Variants in NDFIP2 observed in about 807,000 individuals in gnomAD.
NDFIP2 encodes NEDD4 family-interacting protein 2.
In NDFIP2, 19 loss-of-function variants were observed where a neutral mutation model predicts 36.0. That is an observed-to-expected ratio of 0.53 (90% CI 0.37 to 0.77). NDFIP2 has a LOEUF of 0.77. NDFIP2 is among the 30% of genes least tolerant of loss of function. The probability of loss-of-function intolerance (pLI) is 0.00; values close to 1 mark genes in which losing one functional copy is unlikely to be tolerated. For missense variants in NDFIP2, 446 were observed against 435.8 expected (o/e 1.02, Z -0.21); for synonymous variants, 181 against 167.7 (o/e 1.08, Z -0.61).
At chr13:79,522,176 A>G in intron 2 of NDFIP2, among the ~76,000 whole-genome samples, 1 of 152,040 alleles carries the variant, frequency 6.6e-6, no homozygotes, top group Non-Finnish European at 1.5e-5. Context: ...ATGCTTGCTC[A>G]TTGCCCAGTT....
At chr13:79,552,433 T>C (rs1469080317) in intron 7 of NDFIP2, 83 bp from the exon 8 acceptor site, 5 of 151,844 alleles carry the variant, frequency 3.3e-5, no homozygotes, top group African/African-American at 1.2e-4. Context: ...ATATAATTCT[T>C]CTATAAAATG....
At chr13:79,516,005 C>G (rs1466091102) in intron 1 of NDFIP2, among the ~76,000 whole-genome samples, 1 of 151,340 alleles carries the variant, frequency 6.6e-6, no homozygotes, top group Admixed American at 6.6e-5. Context: ...TAATATTCCA[C>G]TGAGGACAAG....
At chr13:79,526,713 A>C (rs1327393024) in intron 2 of NDFIP2, among the ~76,000 whole-genome samples, 2 of 152,226 alleles carry the variant, frequency 1.3e-5, no homozygotes, top group African/African-American at 4.8e-5. Context: ...TCTAGAAGCC[A>C]AGAGAGGAGA....
chr13:79,495,244 ATAT>A (rs1472012324), intron 1 of NDFIP2, among the ~76,000 whole-genome samples: 1 of 151,824 alleles, frequency 6.6e-6, no homozygotes, highest in Non-Finnish European at 1.5e-5. Flanking sequence ...CAGGTTCATA[ATAT>A]TGTTCTGATC....
chr13:79,550,546 A>G (rs1210522583), intron 6 of NDFIP2, among the ~76,000 whole-genome samples: 1 of 151,616 alleles, frequency 6.6e-6, no homozygotes, highest in East Asian at 1.9e-4. Context: ...TGATATTACT[A>G]TACAGGCTTA....
chr13:79,505,664 A>G (rs1317507941), intron 1 of NDFIP2, among the ~76,000 whole-genome samples: 2 of 151,732 alleles, frequency 1.3e-5, no homozygotes, highest in African/African-American at 4.8e-5. Context: ...AAAAGCTCCC[A>G]AAGAATAGGT....
At chr13:79,496,085 GA>G (rs1194266454) in intron 1 of NDFIP2, among the ~76,000 whole-genome samples, 2 of 151,740 alleles carry the variant, frequency 1.3e-5, no homozygotes, top group African/African-American at 4.8e-5. Flanking sequence ...AAACATAAGA[GA>G]AAAAATTAAT....
intron 1 of NDFIP2, among the ~76,000 whole-genome samples, chr13:79,492,695 G>A (rs1873280865): frequency 6.6e-6 from 1 of 151,988 alleles, no homozygotes; most frequent in African/African-American, 2.4e-5. Context: ...CACACTTAAG[G>A]CCCTTTTAAG....
intron 3 of NDFIP2, 21 bp downstream of exon 3, chr13:79,533,477 CT>C (rs763447704): frequency 6.4e-7 from 1 of 1,574,172 alleles, no homozygotes; most frequent in South Asian, 1.2e-5. Context: ...TTCATCATTT[CT>C]TTTGATAAAA....
At chr13:79,552,155 C>T (rs1875933493) in intron 7 of NDFIP2, among the ~76,000 whole-genome samples, 1 of 151,262 alleles carries the variant, frequency 6.6e-6, no homozygotes, top group Non-Finnish European at 1.5e-5. Flanking sequence ...AAGTCTCCCC[C>T]AACCACTCCC....
chr13:79,492,844 A>G (rs1873287143), intron 1 of NDFIP2, among the ~76,000 whole-genome samples: 1 of 152,118 alleles, frequency 6.6e-6, no homozygotes, highest in African/African-American at 2.4e-5. Flanking sequence ...AAATCATGCT[A>G]TCTCTTGCTT....
intron 1 of NDFIP2, among the ~76,000 whole-genome samples, chr13:79,513,134 G>T (rs959590898): frequency 5.3e-5 from 8 of 152,262 alleles, no homozygotes; most frequent in Admixed American, 2.6e-4. Flanking sequence ...GAGCCATGCT[G>T]GCTGGGTACC....
intron 1 of NDFIP2, among the ~76,000 whole-genome samples, chr13:79,485,128 G>T (rs912653180): frequency 6.6e-6 from 1 of 152,120 alleles, no homozygotes; most frequent in Admixed American, 6.5e-5. Context: ...TCCACAGAGG[G>T]GCTGGGTGTC....
intron 1 of NDFIP2, among the ~76,000 whole-genome samples, chr13:79,516,902 T>C (rs1429458739): frequency 6.6e-6 from 1 of 152,200 alleles, no homozygotes; most frequent in Non-Finnish European, 1.5e-5. Flanking sequence ...TAATGTTTTA[T>C]CACCTTAAGA....
chr13:79,507,031 C>A (rs1039231500), intron 1 of NDFIP2, among the ~76,000 whole-genome samples: 11 of 151,974 alleles, frequency 7.2e-5, no homozygotes, highest in Non-Finnish European at 1.0e-4. Flanking sequence ...GATATGAAAT[C>A]CCTGCCATGA....
chr13:79,527,184 A>T (rs1463872061), intron 2 of NDFIP2, among the ~76,000 whole-genome samples: 1 of 152,256 alleles, frequency 6.6e-6, no homozygotes, highest in African/African-American at 2.4e-5. Context: ...TGGAAGCATC[A>T]CACATGCTCA....
At position 79,548,395 on chromosome 13, in the gene NDFIP2, G is replaced by A; in HGVS notation, c.907+1G>A. ...CTTTGGTGGATATTTCTTGTACTTGGTAAGTTTATTCTTAATGCATTTAGT... is the reference window on the plus strand; with the variant it reads ...CTTTGGTGGATATTTCTTGTACTTGATAAGTTTATTCTTAATGCATTTAGT... On this transcript the variant is annotated splice_donor_variant, in intron 6 of 7. Transcript: ENST00000218652. LOFTEE classifies it high-confidence loss of function. 6.3e-7 allele frequency: 1 copy of A among 1,577,546 alleles called. No individual in the cohort carries two copies. The highest frequency in any genetic ancestry group is 8.7e-7 in the Non-Finnish European group (1 of 1,154,596).
At chr13:79,485,252 A>G (rs1413573088) in intron 1 of NDFIP2, among the ~76,000 whole-genome samples, 1 of 152,162 alleles carries the variant, frequency 6.6e-6, no homozygotes, top group Non-Finnish European at 1.5e-5. Context: ...GCAAACAACA[A>G]ACAAACTAGT....
At chr13:79,505,626 C>T (rs1454273249) in intron 1 of NDFIP2, among the ~76,000 whole-genome samples, 1 of 148,810 alleles carries the variant, frequency 6.7e-6, no homozygotes, top group Non-Finnish European at 1.5e-5. Flanking sequence ...AAGACCTTGC[C>T]TTAAAAAAAA....
Sources: allele counts gnomAD v4.1 joint callset (sites outside exome capture counted in the v4.1 genomes callset), GRCh38; gene constraint gnomAD v4.1.1; transcripts MANE v1.5; gene names NCBI Gene and HGNC (gene_info 2026-07-23, HGNC 2026-07-21).